KCNB2: variants seen among roughly 807,000 people sequenced by gnomAD.
KCNB2 encodes the protein potassium voltage-gated channel subfamily B member 2.
Under a neutral mutation model 61.5 loss-of-function variants are expected in KCNB2, and 15 were observed. The ratio of observed to expected loss-of-function variants is 0.24; its 90% CI spans 0.16 to 0.38. KCNB2 has a LOEUF of 0.38. KCNB2 is among the 10% of genes least tolerant of loss of function. The probability of loss-of-function intolerance (pLI) is 1.00; values close to 1 mark genes in which losing one functional copy is unlikely to be tolerated. For missense variants in KCNB2, 828 were observed against 1,125.2 expected (o/e 0.74, Z 3.78); for synonymous variants, 457 against 446.0 (o/e 1.02, Z -0.31).
At chr8:72,670,193 G>A (rs138817230) in intron 2 of KCNB2, among the ~76,000 whole-genome samples, 7 of 152,302 alleles carry the variant, frequency 4.6e-5, no homozygotes, top group African/African-American at 1.7e-4. Context: ...AACCACCCAC[G>A]TGAACAATTC....
chr8:72,564,718 C>T (rs1385996468), intron 1 of KCNB2, among the ~76,000 whole-genome samples: 1 of 152,098 alleles, frequency 6.6e-6, no homozygotes, highest in African/African-American at 2.4e-5. Flanking sequence ...CTATGAGGTG[C>T]CTGTTATGTG....
chr8:72,843,984 G>A (rs1193258456), intron 2 of KCNB2, among the ~76,000 whole-genome samples: 1 of 152,142 alleles, frequency 6.6e-6, no homozygotes, highest in Non-Finnish European at 1.5e-5. Flanking sequence ...TCATTATGAT[G>A]CTAGCTAGTT....
At chr8:72,725,324 G>A (rs1391800820) in intron 2 of KCNB2, among the ~76,000 whole-genome samples, 13 of 151,468 alleles carry the variant, frequency 8.6e-5, no homozygotes. Flanking sequence ...CCAGCACATT[G>A]ATTACTAACA....
At chr8:72,853,454 CT>C (rs1810154620) in intron 2 of KCNB2, among the ~76,000 whole-genome samples, 2 of 152,202 alleles carry the variant, frequency 1.3e-5, no homozygotes, top group African/African-American at 4.8e-5. Context: ...ACTTTCCTCA[CT>C]CCCCTTCTGC....
rs1047307006 is a variant in KCNB2, at chr8:72,885,696, T to C, written c.580-50239T>C. On this transcript the variant is annotated intron_variant, in intron 2 of 2. Transcript: ENST00000523207. ...ATTACTGTGTCTACTTCTCCACCTCTCTTCCCTCCCTCTTTCTCCTGCCTT... is the reference window on the plus strand; with the variant it reads ...ATTACTGTGTCTACTTCTCCACCTCCCTTCCCTCCCTCTTTCTCCTGCCTT... Among the ~76,000 whole-genome samples the C allele has an allele frequency of 2.0e-5, 3 of 152,124 alleles. No individual in the cohort carries two copies. The East Asian group carries it at 5.8e-4, about 29-fold the overall frequency.
chr8:72,661,863 A>G (rs1806386265), intron 2 of KCNB2, among the ~76,000 whole-genome samples: 1 of 152,180 alleles, frequency 6.6e-6, no homozygotes, highest in Non-Finnish European at 1.5e-5. Flanking sequence ...ACCCAAGTAG[A>G]GACCTGGAGA....
At chr8:72,742,581 G>T (rs906304554) in intron 2 of KCNB2, among the ~76,000 whole-genome samples, 4 of 152,152 alleles carry the variant, frequency 2.6e-5, no homozygotes, top group African/African-American at 9.7e-5. Context: ...CCAGCTATGG[G>T]CATCCAGGTG....
At chr8:72,725,555 A>ATATG (rs1563571926) in intron 2 of KCNB2, among the ~76,000 whole-genome samples, 38 of 65,584 alleles carry the variant, frequency 5.8e-4, no homozygotes, top group Non-Finnish European at 9.8e-4. Context: ...GTATATATAT[A>ATATG]TGTATATATG....
rs1405527273 is a variant in KCNB2, at chr8:72,763,955, A to T, written c.580-171980A>T. On this transcript the variant is annotated intron_variant, in intron 2 of 2. Transcript: ENST00000523207. ...ATCCGAGGCAGAGCAAACAGAATAT[A>T]CAAGGCACAGGCACAGCAGAGACCT... Among the ~76,000 whole-genome samples the T allele has an allele frequency of 2.0e-5, 3 of 152,152 alleles. No homozygotes were observed. The South Asian group carries it at 6.2e-4, about 32-fold the overall frequency.
At chr8:72,655,648 A>C (rs1563550292) in intron 2 of KCNB2, among the ~76,000 whole-genome samples, 1 of 152,108 alleles carries the variant, frequency 6.6e-6, no homozygotes, top group Non-Finnish European at 1.5e-5. Flanking sequence ...ATCAAACAGC[A>C]AACAACAAAT....
At chr8:72,658,930 G>C (rs952576387) in intron 2 of KCNB2, among the ~76,000 whole-genome samples, 1 of 152,150 alleles carries the variant, frequency 6.6e-6, no homozygotes, top group Admixed American at 6.5e-5. Context: ...CACTGACAAT[G>C]CACTTGGTCT....
intron 2 of KCNB2, among the ~76,000 whole-genome samples, chr8:72,836,148 A>G (rs951453380): frequency 2.0e-5 from 3 of 152,318 alleles, no homozygotes; most frequent in Non-Finnish European, 1.5e-5. Context: ...CCAAGTGCCT[A>G]TCACAGGATT....
chr8:72,746,585 A>G (rs909407503), intron 2 of KCNB2, among the ~76,000 whole-genome samples: 1 of 152,192 alleles, frequency 6.6e-6, no homozygotes, highest in Non-Finnish European at 1.5e-5. Flanking sequence ...GGCTTCATCT[A>G]CTGGTTTTCC....
At chr8:72,737,844 A>G (rs1807875508) in intron 2 of KCNB2, among the ~76,000 whole-genome samples, 2 of 152,100 alleles carry the variant, frequency 1.3e-5, no homozygotes, top group Admixed American at 6.6e-5. Flanking sequence ...TTTGTTTTTC[A>G]GATTCCCTAG....
At chr8:72,817,369 C>T (rs992212554) in intron 2 of KCNB2, among the ~76,000 whole-genome samples, 4 of 152,180 alleles carry the variant, frequency 2.6e-5, no homozygotes, top group African/African-American at 4.8e-5. Flanking sequence ...CTGCCTACTG[C>T]CTACTTCGGA....
At chr8:72,601,899 A>T (rs1368821783) in intron 2 of KCNB2, among the ~76,000 whole-genome samples, 1 of 152,210 alleles carries the variant, frequency 6.6e-6, no homozygotes, top group Non-Finnish European at 1.5e-5. Flanking sequence ...GAAGTCATGA[A>T]CTGAAGCTCC....
intron 2 of KCNB2, among the ~76,000 whole-genome samples, chr8:72,771,028 C>CA (rs1321681124): frequency 3.3e-5 from 5 of 152,128 alleles, no homozygotes; most frequent in Non-Finnish European, 7.4e-5. Flanking sequence ...TGTATTGTCG[C>CA]AGAAAAAAGC....
At chr8:72,892,825 C>T (rs1181448247) in intron 2 of KCNB2, among the ~76,000 whole-genome samples, 2 of 152,134 alleles carry the variant, frequency 1.3e-5, no homozygotes, top group Admixed American at 1.3e-4. Context: ...TAGCTCTGGA[C>T]ATACAGCCAT....
chr8:72,592,497 T>C (rs919701421), intron 2 of KCNB2, among the ~76,000 whole-genome samples: 8 of 151,756 alleles, frequency 5.3e-5, no homozygotes, highest in African/African-American at 1.2e-4. Flanking sequence ...CATTTCTGCA[T>C]GTAAAGTCTA....
Sources: gnomAD v4.1 joint callset for allele counts (sites outside exome capture counted in the v4.1 genomes callset) on GRCh38, gnomAD v4.1.1 for gene constraint, MANE v1.5 for transcripts, NCBI Gene and HGNC (gene_info 2026-07-23, HGNC 2026-07-21) for gene names.